Variants in XIRP2 observed in about 807,000 individuals in gnomAD.
The protein encoded by XIRP2 is xin actin-binding repeat-containing protein 2.
In XIRP2, 236 loss-of-function variants were observed where a neutral mutation model predicts 277.0. That is an observed-to-expected ratio of 0.85 (90% CI 0.77 to 0.95). XIRP2 has a LOEUF of 0.95. Among genes scored for constraint, XIRP2 ranks in the 40% least tolerant of loss-of-function variants. The probability of loss-of-function intolerance (pLI) is 0.00; values close to 1 mark genes in which losing one functional copy is unlikely to be tolerated. For missense variants in XIRP2, 4,640 were observed against 4,157.5 expected (o/e 1.12, Z -3.19); for synonymous variants, 1,490 against 1,416.5 (o/e 1.05, Z -1.17).
intron 3 of XIRP2, among the ~76,000 whole-genome samples, chr2:167,174,886 A>G (rs4000962): frequency 0.34 from 51,239 of 151,970 alleles, 11,132 homozygotes; most frequent in African/African-American, 0.62. Flanking sequence ...CCATGTAGTT[A>G]TGTGGTTTTA....
At chr2:167,021,306 A>G (rs896372570) in intron 2 of XIRP2, among the ~76,000 whole-genome samples, 9 of 152,100 alleles carry the variant, frequency 5.9e-5, no homozygotes, top group Admixed American at 3.3e-4. Flanking sequence ...TTCCTTTGTC[A>G]ATAACTTCTA....
chr2:167,154,824 A>G (rs1319504163), intron 3 of XIRP2, among the ~76,000 whole-genome samples: 2 of 152,142 alleles, frequency 1.3e-5, no homozygotes, highest in African/African-American at 4.8e-5. Flanking sequence ...TTTTGAAAGG[A>G]TCAACAAAAT....
intron 2 of XIRP2, among the ~76,000 whole-genome samples, chr2:167,028,803 G>A (rs77181479): frequency 2.1e-3 from 324 of 151,520 alleles, no homozygotes; most frequent in Non-Finnish European, 3.9e-3. Context: ...TTGAGGACCC[G>A]CAAGAAAATT....
chr2:167,154,746 A>C (rs1034285664), intron 3 of XIRP2, among the ~76,000 whole-genome samples: 1 of 152,126 alleles, frequency 6.6e-6, no homozygotes, highest in Non-Finnish European at 1.5e-5. Flanking sequence ...AACTAAAATC[A>C]GAGCAGAACT....
intron 2 of XIRP2, among the ~76,000 whole-genome samples, chr2:166,949,683 T>C (rs967328202): frequency 1.3e-5 from 2 of 152,096 alleles, no homozygotes; most frequent in African/African-American, 4.8e-5. Flanking sequence ...CCAACTGTGA[T>C]TAATTTAATA....
At chr2:166,894,723 G>A (rs1431629816) in intron 1 of XIRP2, among the ~76,000 whole-genome samples, 5 of 152,150 alleles carry the variant, frequency 3.3e-5, no homozygotes, top group Non-Finnish European at 7.4e-5. Flanking sequence ...TGTGTTAGAA[G>A]CGAAGGATAA....
chr2:167,185,960 A>G (rs1693141887), intron 3 of XIRP2, among the ~76,000 whole-genome samples: 1 of 152,194 alleles, frequency 6.6e-6, no homozygotes, highest in Non-Finnish European at 1.5e-5. Flanking sequence ...TTACTGTCAA[A>G]GCTATGTTGA....
At chr2:167,083,848 A>G (rs890467924) in intron 2 of XIRP2, among the ~76,000 whole-genome samples, 2 of 152,006 alleles carry the variant, frequency 1.3e-5, no homozygotes, top group Non-Finnish European at 2.9e-5. Context: ...GGGCTGAGAC[A>G]ATGTGGTTTT....
At chr2:167,207,474 G>T (rs1425823804) in intron 3 of XIRP2, among the ~76,000 whole-genome samples, 1 of 152,160 alleles carries the variant, frequency 6.6e-6, no homozygotes, top group Non-Finnish European at 1.5e-5. Flanking sequence ...ATGCAGACCT[G>T]TGAATAATTG....
At chr2:166,959,695 T>C (rs1686252963) in intron 2 of XIRP2, among the ~76,000 whole-genome samples, 1 of 151,826 alleles carries the variant, frequency 6.6e-6, no homozygotes, top group Non-Finnish European at 1.5e-5. Flanking sequence ...TTTCCTCTTG[T>C]TCATTCTTTG....
intron 2 of XIRP2, among the ~76,000 whole-genome samples, chr2:167,000,496 T>C (rs866483853): frequency 6.6e-6 from 1 of 150,376 alleles, no homozygotes; most frequent in South Asian, 2.1e-4. Context: ...GATTGGTTTT[T>C]GTTTTGGGGT....
At position 167,243,967 on chromosome 2, in the gene XIRP2, G is replaced by T. The variant is rs758046061; in HGVS notation, c.2575G>T (p.Ala859Ser). Residue 859 changes from alanine (A) to serine (S), a missense_variant, in exon 9 of 11, where the codon GCA becomes TCA. Transcript: ENST00000409195. ...AGACATTCTAAAAGAAGTTCCTGAT[G>T]CAGATTCTCTACAACGTGAGGAGAT... ...PLDILKEVPDADSLQREEIIG... is the reference protein window; with the variant it reads ...PLDILKEVPDSDSLQREEIIG... The T allele has an allele frequency of 6.2e-7, 1 of 1,614,032 alleles. No individual in the cohort carries two copies. Among genetic ancestry groups the T allele is most frequent in the Admixed American group, 1.7e-5 (1 of 60,002 alleles).
At chr2:166,966,631 T>A (rs1429215648) in intron 2 of XIRP2, among the ~76,000 whole-genome samples, 1 of 151,958 alleles carries the variant, frequency 6.6e-6, no homozygotes, top group Non-Finnish European at 1.5e-5. Context: ...AGTTCCACTC[T>A]ACTTTTAGCC....
In XIRP2 at chr2:167,005,477, G is replaced by A. The variant is rs559563833; in HGVS notation, c.408+101587G>A. On this transcript the variant is annotated intron_variant, in intron 2 of 10. Coordinates refer to ENST00000409195, the MANE Select transcript of XIRP2 (RefSeq NM_152381.6). The stretch of plus-strand genomic sequence containing the variant: ...ATTAAAGTCACCCAGTGAGTCAGTG[G>A]GTGCTGAAAATGTTGAGAATTATTT... Among the ~76,000 whole-genome samples the A allele has an allele frequency of 4.6e-4, 70 of 151,688 alleles. 1 individual carries two copies. Among genetic ancestry groups the A allele is most frequent in the Middle Eastern group, 3.2e-3 (1 of 316 alleles).
At chr2:166,904,596 C>T (rs977945611) in intron 2 of XIRP2, among the ~76,000 whole-genome samples, 4 of 152,102 alleles carry the variant, frequency 2.6e-5, no homozygotes, top group Non-Finnish European at 2.9e-5. Context: ...ACATTATTAA[C>T]TAAGACCACA....
intron 4 of XIRP2, among the ~76,000 whole-genome samples, chr2:167,213,272 C>T (rs148052995): frequency 1.3e-5 from 2 of 152,082 alleles, no homozygotes; most frequent in East Asian, 3.9e-4. Context: ...TTTTAATACT[C>T]ACAATAAATC....
At chr2:167,041,554 G>A (rs1688661090) in intron 2 of XIRP2, among the ~76,000 whole-genome samples, 1 of 152,104 alleles carries the variant, frequency 6.6e-6, no homozygotes, top group Admixed American at 6.6e-5. Context: ...GCATAGAATA[G>A]ACCAGGCTGA....
At chr2:166,892,410 T>C (rs544024457) in intron 1 of XIRP2, among the ~76,000 whole-genome samples, 2 of 152,266 alleles carry the variant, frequency 1.3e-5, no homozygotes, top group Admixed American at 1.3e-4. Context: ...AAAAGAGACA[T>C]GTGTTGATCT....
intron 2 of XIRP2, among the ~76,000 whole-genome samples, chr2:167,037,830 A>T (rs1688554224): frequency 6.6e-6 from 1 of 152,066 alleles, no homozygotes; most frequent in South Asian, 2.1e-4. Context: ...TAGCAACTAC[A>T]ATAGGCTAAA....
Sources: allele counts gnomAD v4.1 joint callset (sites outside exome capture counted in the v4.1 genomes callset), GRCh38; gene constraint gnomAD v4.1.1; transcripts MANE v1.5; gene names NCBI Gene and HGNC (gene_info 2026-07-23, HGNC 2026-07-21).